The following ACSS3 variants were observed in gnomAD, a reference collection of about 807,000 sequenced individuals.
The protein encoded by ACSS3 is acyl-CoA synthetase short chain family member 3.
ACSS3 carries 64 observed loss-of-function variants against 84.2 expected under a neutral mutation model. The observed-to-expected ratio is 0.76, with a 90% CI of 0.62 to 0.94. The LOEUF (loss-of-function observed/expected upper bound fraction) is 0.94, where lower values mean the gene tolerates loss of function less well. ACSS3 is among the 40% of genes least tolerant of loss of function. ACSS3 has a pLI of 0.00. For missense variants in ACSS3, 815 were observed against 867.6 expected (o/e 0.94, Z 0.76); for synonymous variants, 317 against 310.1 (o/e 1.02, Z -0.23).
At chr12:81,116,336 T>G (rs918376002) in intron 2 of ACSS3, among the ~76,000 whole-genome samples, 4 of 152,000 alleles carry the variant, frequency 2.6e-5, no homozygotes. Flanking sequence ...GAAACAACAG[T>G]TTAGTATTTC....
At chr12:81,246,761 A>C (rs899743264) in intron 13 of ACSS3, among the ~76,000 whole-genome samples, 1 of 152,218 alleles carries the variant, frequency 6.6e-6, no homozygotes, top group Non-Finnish European at 1.5e-5. Context: ...CACTGTGATC[A>C]GAGTATGCAG....
chr12:81,240,367 C>T (rs1239846883), intron 13 of ACSS3, among the ~76,000 whole-genome samples: 1 of 151,952 alleles, frequency 6.6e-6, no homozygotes, highest in African/African-American at 2.4e-5. Flanking sequence ...AACATAACTA[C>T]TCCTACTTAT....
intron 11 of ACSS3, 59 bp from the exon 12 acceptor site, chr12:81,230,998 A>T: frequency 1.5e-6 from 2 of 1,293,828 alleles, no homozygotes; most frequent in South Asian, 2.5e-5. Flanking sequence ...AATAGTTCTA[A>T]TCAACCTGTC....
chr12:81,171,725 C>T (rs2030058099), intron 7 of ACSS3, among the ~76,000 whole-genome samples: 1 of 152,046 alleles, frequency 6.6e-6, no homozygotes, highest in African/African-American at 2.4e-5. Context: ...AGTTTTTTTA[C>T]TAATACAGTC....
intron 8 of ACSS3, among the ~76,000 whole-genome samples, chr12:81,197,172 A>G (rs1027282045): frequency 4.6e-5 from 7 of 152,170 alleles, no homozygotes; most frequent in Non-Finnish European, 1.5e-5. Context: ...TCTTCTATAG[A>G]TGAAAATTAC....
intron 5 of ACSS3, among the ~76,000 whole-genome samples, chr12:81,146,595 A>C (rs1407084638): frequency 6.6e-6 from 1 of 152,186 alleles, no homozygotes; most frequent in Admixed American, 6.5e-5. Flanking sequence ...GCATTTGCCA[A>C]CCCTGGAGTT....
At chr12:81,249,380 T>C (rs1384115694) in intron 13 of ACSS3, among the ~76,000 whole-genome samples, 2 of 152,078 alleles carry the variant, frequency 1.3e-5, no homozygotes, top group Non-Finnish European at 2.9e-5. Context: ...TGTAGGTTTC[T>C]TAAATAATCC....
At chr12:81,203,085 A>C (rs2032181297) in intron 9 of ACSS3, among the ~76,000 whole-genome samples, 2 of 152,166 alleles carry the variant, frequency 1.3e-5, no homozygotes, top group African/African-American at 2.4e-5. Flanking sequence ...CCAACGAATG[A>C]TGTCACTCTT....
At chr12:81,107,591 C>A (rs73357250) in intron 1 of ACSS3, among the ~76,000 whole-genome samples, 5,857 of 123,106 alleles carry the variant, frequency 0.048, 236 homozygotes, top group African/African-American at 0.095. Context: ...TATAAAACAC[C>A]TTTCCTTATT....
chr12:81,124,121 TC>T (rs1443220632), intron 2 of ACSS3, among the ~76,000 whole-genome samples: 1 of 152,214 alleles, frequency 6.6e-6, no homozygotes, highest in Non-Finnish European at 1.5e-5. Context: ...GTGTATGTGT[TC>T]CCTTTTCTCC....
At chr12:81,185,680 A>G (rs2031216051) in intron 8 of ACSS3, among the ~76,000 whole-genome samples, 1 of 151,782 alleles carries the variant, frequency 6.6e-6, no homozygotes, top group Non-Finnish European at 1.5e-5. Flanking sequence ...CATTAAAACT[A>G]TAAAATATTG....
rs565825661 is a variant in ACSS3, at chr12:81,238,816, T to A, written c.1719+5345T>A. On this transcript the variant is annotated intron_variant, in intron 13 of 15. Transcript: ENST00000548058. ...GATATTTTAAAGGAATAGCTTTTGGTTTTATGGTATTTTCTATTGATTTAT... is the reference window on the plus strand; with the variant it reads ...GATATTTTAAAGGAATAGCTTTTGGATTTATGGTATTTTCTATTGATTTAT... 7.9e-5 allele frequency among the ~76,000 whole-genome samples: 12 copies of A among 151,672 alleles called. 1 individual carries two copies. In the South Asian group the frequency reaches 1.9e-3, roughly 24 times the overall value.
intron 7 of ACSS3, 171 bp from the exon 8 acceptor site, chr12:81,174,617 C>G (rs896159948): frequency 3.3e-6 from 2 of 610,698 alleles, no homozygotes; most frequent in Non-Finnish European, 5.2e-6. Flanking sequence ...CTCTGTTATG[C>G]CTGGGTATTT....
At chr12:81,237,548 T>A (rs527299937) in intron 13 of ACSS3, among the ~76,000 whole-genome samples, 15 of 151,810 alleles carry the variant, frequency 9.9e-5, no homozygotes, top group Non-Finnish European at 1.8e-4. Flanking sequence ...ATTTTAAATC[T>A]TATCCCGAGT....
At chr12:81,243,393 A>T (rs2033876796) in intron 13 of ACSS3, among the ~76,000 whole-genome samples, 1 of 152,234 alleles carries the variant, frequency 6.6e-6, no homozygotes, top group Non-Finnish European at 1.5e-5. Flanking sequence ...TTCCACGCTC[A>T]TGGGTAGGAA....
intron 11 of ACSS3, among the ~76,000 whole-genome samples, chr12:81,228,958 A>G (rs575162764): frequency 1.2e-3 from 178 of 151,870 alleles, no homozygotes; most frequent in African/African-American, 4.1e-3. Context: ...ACATGTTCAG[A>G]TATTTGGATC....
chr12:81,238,271 C>T (rs1200693096), intron 13 of ACSS3, among the ~76,000 whole-genome samples: 1 of 145,278 alleles, frequency 6.9e-6, no homozygotes, highest in Non-Finnish European at 1.6e-5. Context: ...TGGCCTCTGT[C>T]AATAGTTTTT....
At chr12:81,200,743 T>C (rs1047969004) in intron 9 of ACSS3, among the ~76,000 whole-genome samples, 1 of 151,570 alleles carries the variant, frequency 6.6e-6, no homozygotes, top group Non-Finnish European at 1.5e-5. Context: ...CTACTTAAAA[T>C]ACAAAAAATT....
chr12:81,147,809 T>C (rs1232720783), intron 5 of ACSS3, among the ~76,000 whole-genome samples: 2 of 152,144 alleles, frequency 1.3e-5, no homozygotes, highest in Non-Finnish European at 2.9e-5. Context: ...GTTTCTTTTC[T>C]TTCCTTCAAA....
Sources: allele counts gnomAD v4.1 joint callset (sites outside exome capture counted in the v4.1 genomes callset), GRCh38; gene constraint gnomAD v4.1.1; transcripts MANE v1.5; gene names NCBI Gene and HGNC (gene_info 2026-07-23, HGNC 2026-07-21).